The following KDM4C variants were observed in gnomAD, a reference collection of about 807,000 sequenced individuals.
KDM4C encodes the protein lysine-specific demethylase 4C.
In KDM4C, 81 loss-of-function variants were observed where a neutral mutation model predicts 129.3. The observed-to-expected ratio is 0.63, with a 90% confidence interval of 0.52 to 0.75. The LOEUF is 0.75. KDM4C is among the 30% of genes least tolerant of loss of function. KDM4C has a pLI of 0.00. For synonymous variants in KDM4C, 573 were observed against 456.1 expected (o/e 1.26, Z -3.26); for missense variants, 1,457 against 1,304.0 (o/e 1.12, Z -1.81).
At chr9:6,731,027 A>C (rs1188963046) in intron 1 of KDM4C, among the ~76,000 whole-genome samples, 1 of 152,232 alleles carries the variant, frequency 6.6e-6, no homozygotes, top group African/African-American at 2.4e-5. Flanking sequence ...GTTCGCTTTA[A>C]CAATCACCCT....
At chr9:6,898,344 C>T (rs1563778525) in intron 8 of KDM4C, among the ~76,000 whole-genome samples, 3 of 152,042 alleles carry the variant, frequency 2.0e-5, no homozygotes, top group South Asian at 2.1e-4. Context: ...AGTCATATCT[C>T]GTTTATACCG....
chr9:7,031,168 T>TTATTTATGTATG (rs1371229395), intron 15 of KDM4C, among the ~76,000 whole-genome samples: 25 of 78,688 alleles, frequency 3.2e-4, no homozygotes, highest in African/African-American at 1.1e-3. Context: ...ATTTATTTAT[T>TTATTTATGTATG]TATGTATGTT....
chr9:7,068,689 T>C (rs1166579640), intron 17 of KDM4C, among the ~76,000 whole-genome samples: 18 of 83,346 alleles, frequency 2.2e-4, no homozygotes, highest in Non-Finnish European at 3.1e-4. Context: ...GCCCTTTCTT[T>C]TTTTTTTTTT....
intron 8 of KDM4C, among the ~76,000 whole-genome samples, chr9:6,966,588 A>G (rs1831019930): frequency 6.6e-6 from 1 of 152,272 alleles, no homozygotes; most frequent in South Asian, 2.1e-4. Context: ...ATGATTGTTT[A>G]TGAAGAATAA....
chr9:6,881,500 C>T (rs1040105005), intron 6 of KDM4C, among the ~76,000 whole-genome samples: 2 of 152,156 alleles, frequency 1.3e-5, no homozygotes, highest in South Asian at 2.1e-4. Flanking sequence ...CTGTCTTCTT[C>T]TCTGTAATAA....
chr9:6,997,423 C>G (rs545534752), intron 12 of KDM4C, among the ~76,000 whole-genome samples: 2 of 152,170 alleles, frequency 1.3e-5, no homozygotes, highest in South Asian at 2.1e-4. Context: ...AGCTTGCTTG[C>G]CTGAAACTTA....
At chr9:6,843,423 G>A (rs1380827930) in intron 4 of KDM4C, among the ~76,000 whole-genome samples, 1 of 152,188 alleles carries the variant, frequency 6.6e-6, no homozygotes, top group Non-Finnish European at 1.5e-5. Flanking sequence ...GTCCTATAAG[G>A]TAGGCATGTG....
chr9:7,029,850 A>G (rs1454143526), intron 15 of KDM4C, among the ~76,000 whole-genome samples: 1 of 152,198 alleles, frequency 6.6e-6, no homozygotes, highest in Non-Finnish European at 1.5e-5. Context: ...TTGACCAATC[A>G]TGAGTTGCCT....
At chr9:7,040,080 A>G (rs1005637271) in intron 15 of KDM4C, among the ~76,000 whole-genome samples, 1 of 152,090 alleles carries the variant, frequency 6.6e-6, no homozygotes, top group Non-Finnish European at 1.5e-5. Context: ...AAAAATTACA[A>G]TTTACATTTT....
chr9:6,929,244 A>G (rs56185621), intron 8 of KDM4C, among the ~76,000 whole-genome samples: 38,494 of 152,090 alleles, frequency 0.25, 5,383 homozygotes, highest in South Asian at 0.4. Flanking sequence ...CATTGAAGAC[A>G]CATGTTTAGC....
intron 17 of KDM4C, among the ~76,000 whole-genome samples, chr9:7,060,644 G>A (rs1240575664): frequency 6.6e-6 from 1 of 151,878 alleles, no homozygotes; most frequent in African/African-American, 2.4e-5. Context: ...ACCATGCCCA[G>A]CTAATTTTTG....
At chr9:7,042,501 T>A (rs989065447) in intron 15 of KDM4C, among the ~76,000 whole-genome samples, 1 of 152,120 alleles carries the variant, frequency 6.6e-6, no homozygotes, top group African/African-American at 2.4e-5. Flanking sequence ...CAAATTGTTA[T>A]ATGCTGTCGG....
rs557016615 is a variant in KDM4C, at chr9:7,155,243, G to A, written c.2782-9995G>A. ...GCTGAACCCAAGGATATGTGAACCA[G>A]CTGGAGACCTGTAAGAGGGAGGGCA... On this transcript the variant is annotated intron_variant, in intron 19 of 21. Transcript: ENST00000381309. Among the ~76,000 whole-genome samples, 5 of 152,308 alleles carry A rather than the reference G, an allele frequency of 3.3e-5. No individual in the cohort carries two copies. The South Asian group carries it at 1.0e-3, about 32-fold the overall frequency.
intron 5 of KDM4C, among the ~76,000 whole-genome samples, chr9:6,855,108 A>G (rs556546028): frequency 2.6e-5 from 4 of 152,344 alleles, no homozygotes; most frequent in South Asian, 4.1e-4. Flanking sequence ...TTGTATGTAT[A>G]CATGGCATGA....
intron 5 of KDM4C, among the ~76,000 whole-genome samples, chr9:6,872,097 A>G (rs934050562): frequency 5.3e-5 from 8 of 152,312 alleles, no homozygotes; most frequent in African/African-American, 1.4e-4. Flanking sequence ...GAGTGATAGA[A>G]TAATTCTTAG....
intron 1 of KDM4C, among the ~76,000 whole-genome samples, chr9:6,746,778 G>A (rs1270466755): frequency 3.4e-5 from 5 of 148,906 alleles, no homozygotes; most frequent in African/African-American, 4.9e-5. Context: ...GGAGGCGGAG[G>A]TGGGTGGATC....
intron 1 of KDM4C, chr9:6,727,006 A>T (rs955207762): frequency 5.3e-5 from 8 of 152,128 alleles, no homozygotes; most frequent in African/African-American, 1.7e-4. Flanking sequence ...AAGTGCTGGG[A>T]TTATAGGCAT....
chr9:6,961,229 T>C (rs950805897), intron 8 of KDM4C, among the ~76,000 whole-genome samples: 16 of 152,212 alleles, frequency 1.1e-4, no homozygotes, highest in African/African-American at 3.9e-4. Context: ...CTAATAGTCA[T>C]GAAATAGAAA....
chr9:6,761,359 G>A (rs1233028770), intron 1 of KDM4C, among the ~76,000 whole-genome samples: 3 of 151,628 alleles, frequency 2.0e-5, no homozygotes, highest in Non-Finnish European at 4.4e-5. Context: ...TTGGAGACAG[G>A]GTGTAACTCT....
Sources: gnomAD v4.1 joint callset for allele counts (sites outside exome capture counted in the v4.1 genomes callset) on GRCh38, gnomAD v4.1.1 for gene constraint, MANE v1.5 for transcripts, NCBI Gene and HGNC (gene_info 2026-07-23, HGNC 2026-07-21) for gene names.